The following AKAP11 variants were observed in gnomAD, a reference collection of about 807,000 sequenced individuals.
AKAP11 encodes A-kinase anchor protein 11.
Under a neutral mutation model 146.1 loss-of-function variants are expected in AKAP11, and 36 were observed. That is an observed-to-expected ratio of 0.25 (90% CI 0.19 to 0.33). AKAP11 has a LOEUF of 0.33. AKAP11 is among the 10% of genes least tolerant of loss of function. The pLI is 1.00. For missense variants in AKAP11, 2,201 were observed against 2,197.0 expected (o/e 1.00, Z -0.04); for synonymous variants, 780 against 786.5 (o/e 0.99, Z 0.14).
rs1166741611 is a variant in AKAP11, at chr13:42,303,220, A to C, written c.4474A>C (p.Lys1492Gln). 1 of 1,614,140 alleles carries C rather than the reference A, an allele frequency of 6.2e-7. No individual in the cohort carries two copies. The highest frequency in any genetic ancestry group is 1.1e-5 in the South Asian group (1 of 91,080). Residue 1492 changes from lysine (K) to glutamine (Q), a missense_variant, in exon 8 of 13, where the codon AAA becomes CAA. Lys to Gln is a moderately conservative substitution (Grantham distance 53, BLOSUM62 1). This residue lies in a region of AKAP11 where 1,867 missense variants were observed against 1,833.5 expected (regional missense o/e 1.02). Coordinates refer to ENST00000025301, the MANE Select transcript of AKAP11 (RefSeq NM_016248.4). The part of the protein sequence containing the change: ...KSLTDSCLFE[K>Q]SGYEEDNECH... ...CTTAACAGATTCTTGCTTGTTTGAA[A>C]AATCTGGATATGAAGAAGATAATGA...
At chr13:42,310,255 A>T (rs1960486509) in intron 9 of AKAP11, among the ~76,000 whole-genome samples, 1 of 152,216 alleles carries the variant, frequency 6.6e-6, no homozygotes, top group South Asian at 2.1e-4. Flanking sequence ...ATGTGACTTA[A>T]TGTAATGCTG....
intron 1 of AKAP11, among the ~76,000 whole-genome samples, chr13:42,278,529 A>G (rs771180345): frequency 1.8e-4 from 27 of 152,158 alleles, no homozygotes; most frequent in South Asian, 1.0e-3. Flanking sequence ...ACATCACTTC[A>G]TGTTTAATGT....
Position 42,303,340 on chromosome 13 carries a change from T to G in AKAP11, c.4594T>G (p.Cys1532Gly), listed in dbSNP as rs1960062099. Residue 1532 changes from cysteine to glycine, a missense_variant, in exon 8 of 13, where the codon TGT becomes GGT. This residue lies in a region of AKAP11 where 1,867 missense variants were observed against 1,833.5 expected (regional missense o/e 1.02). Transcript: ENST00000025301. ...CACTGGCAGTTTAAATGGATATGGT[T>G]GTGGAGACAATGTTGTTCAAGCTGT... ...HSTGSLNGYG[C>G]GDNVVQAVEQ... 1 of 1,612,580 alleles carries G rather than the reference T, an allele frequency of 6.2e-7. No individual in the cohort carries two copies. Among genetic ancestry groups the G allele is most frequent in the Admixed American group, 1.7e-5 (1 of 60,010 alleles).
At position 42,303,861 on chromosome 13, in the gene AKAP11, C is replaced by T; in HGVS notation, c.5115C>T (p.Ser1705=). The change falls in exon 8 of 13, where the codon AGC becomes AGT. Residue 1705 remains serine (S), a splice_region_variant and synonymous_variant. Coordinates refer to ENST00000025301, the MANE Select transcript of AKAP11 (RefSeq NM_016248.4). ...AAVTNVGHAV[S]SSKEIEDFQS... ...TCACAAATGTTGGGCATGCTGTTAG[C>T]AGGTAAGTTTCACGTTTCTTTTGGT... The T allele has an allele frequency of 1.3e-6, 2 of 1,564,616 alleles. No individual in the cohort carries two copies. Among genetic ancestry groups the T allele is most frequent in the Non-Finnish European group, 1.7e-6 (2 of 1,158,278 alleles).
rs764635646 is a variant in AKAP11, at chr13:42,292,374, T to A, written c.52-11T>A. 6.7e-7 allele frequency: 1 copy of A among 1,490,506 alleles called. No individual in the cohort carries two copies. The highest frequency in any genetic ancestry group is 1.4e-5 in the African/African-American group (1 of 72,980). The allele number at this position is 1,490,506 out of a possible 1,614,324, so 92.3% of individuals were successfully genotyped here. A position where few individuals can be genotyped will look rare whatever the true frequency, so the allele number is the denominator to read the frequency against. ...TAAATTTGAAATATCTTTGCTTTCT[T>A]TCCCCTGCAGAGCTTCAGTGAAGAT... On this transcript the variant is annotated splice_polypyrimidine_tract_variant and intron_variant, in intron 3 of 12. Coordinates refer to ENST00000025301, the MANE Select transcript of AKAP11 (RefSeq NM_016248.4).
chr13:42,296,944 C>A, intron 5 of AKAP11, 104 bp from the exon 6 acceptor site: 1 of 901,706 alleles, frequency 1.1e-6, no homozygotes, highest in Non-Finnish European at 1.6e-6. Flanking sequence ...CCAGGAAATT[C>A]ACTAGCCAGT....
At chr13:42,273,903 A>G (rs933569740) in intron 1 of AKAP11, among the ~76,000 whole-genome samples, 2 of 152,260 alleles carry the variant, frequency 1.3e-5, no homozygotes, top group African/African-American at 4.8e-5. Flanking sequence ...GTAAATAGGT[A>G]GAGGAATTCT....
intron 9 of AKAP11, among the ~76,000 whole-genome samples, chr13:42,309,780 CA>C (rs2138667489): frequency 6.6e-6 from 1 of 152,214 alleles, no homozygotes; most frequent in African/African-American, 2.4e-5. Flanking sequence ...TTTCTTCTCT[CA>C]TTTTGAGAAA....
chr13:42,278,590 T>A lies in AKAP11; in HGVS notation c.-100+6362T>A, dbSNP rs139564304. 3.9e-4 allele frequency among the ~76,000 whole-genome samples: 60 copies of A among 152,340 alleles called. No homozygotes were observed. In the East Asian group the frequency reaches 0.01, roughly 26 times the overall value. ...TCTCCATCTCCCCTGCCACATTTTT[T>A]ATCCTATTTTGTCATACATTTTATC... On this transcript the variant is annotated intron_variant, in intron 1 of 12. Coordinates refer to ENST00000025301, the MANE Select transcript of AKAP11 (RefSeq NM_016248.4).
intron 11 of AKAP11, among the ~76,000 whole-genome samples, chr13:42,316,258 G>C (rs1279540815): frequency 6.6e-6 from 1 of 152,172 alleles, no homozygotes; most frequent in Non-Finnish European, 1.5e-5. Flanking sequence ...AGCTGTAGCA[G>C]AGAATCAGAG....
At position 42,320,251 on chromosome 13, in the gene AKAP11, C is replaced by T. The variant is rs1408904095; in HGVS notation, c.*1023C>T. On this transcript the variant is annotated 3_prime_UTR_variant, in exon 13 of 13. Coordinates refer to ENST00000025301, the MANE Select transcript of AKAP11 (RefSeq NM_016248.4). ...TGTTGGATTTTTGAAAAAACCTCTA[C>T]CAAGAATGTGGTGTTTTTTTTGTTT... 2 of 151,058 alleles carry T rather than the reference C, an allele frequency of 1.3e-5. No homozygotes were observed. The highest frequency in any genetic ancestry group is 2.4e-5 in the African/African-American group (1 of 41,320). 9.4% of individuals were successfully genotyped at this position (151,058 alleles called of 1,614,324 possible).
At position 42,297,065 on chromosome 13, in the gene AKAP11, T is replaced by C. The variant is rs201798756; in HGVS notation, c.234T>C (p.Ser78=). ...AAHIQDLAAV[S]LELPDILNSL... Reference sequence around the variant, plus strand: ...TAAATCAGGATTTAGCTGCAGTTTCTTTGGAACTTCCAGATATTCTGAATT... The same window carrying C: ...TAAATCAGGATTTAGCTGCAGTTTCCTTGGAACTTCCAGATATTCTGAATT... Residue 78 remains serine, a synonymous_variant, in exon 6 of 13, where the codon TCT becomes TCC. Coordinates refer to ENST00000025301, the MANE Select transcript of AKAP11 (RefSeq NM_016248.4). 5.0e-6 allele frequency: 8 copies of C among 1,591,062 alleles called. No homozygotes were observed. The African/African-American group carries it at 9.5e-5, about 19-fold the overall frequency.
rs888374990 is a variant in AKAP11, at chr13:42,320,687, G to A, written c.*1459G>A. The A allele has an allele frequency of 6.6e-6, 1 of 152,032 alleles. No homozygotes were observed. Among genetic ancestry groups the A allele is most frequent in the Non-Finnish European group, 1.5e-5 (1 of 68,000 alleles). 9.4% of individuals were successfully genotyped at this position (152,032 alleles called of 1,614,324 possible). On this transcript the variant is annotated 3_prime_UTR_variant, in exon 13 of 13. Transcript: ENST00000025301. ...CACTTTTTTTGGGGACTTTGATTTTGCTCCATTACGTTTTCATTTTTTCTG... is the reference window on the plus strand; with the variant it reads ...CACTTTTTTTGGGGACTTTGATTTTACTCCATTACGTTTTCATTTTTTCTG...
chr13:42,293,196 A>C (rs1223065374), intron 4 of AKAP11, among the ~76,000 whole-genome samples: 1 of 152,198 alleles, frequency 6.6e-6, no homozygotes, highest in Non-Finnish European at 1.5e-5. Flanking sequence ...TTCTAATAAA[A>C]TCGTGGTTAT....
chr13:42,278,538 G>A (rs1958982055), intron 1 of AKAP11, among the ~76,000 whole-genome samples: 1 of 152,148 alleles, frequency 6.6e-6, no homozygotes, highest in Non-Finnish European at 1.5e-5. Context: ...CATGTTTAAT[G>A]TAGAAATCTA....
Position 42,302,232 on chromosome 13 carries a change from C to A in AKAP11, c.3486C>A (p.Phe1162Leu). The part of the protein sequence containing the change: ...NEQNTIEKEE[F>L]MLKLMRSLSE... Reference sequence around the variant, plus strand: ...AAAATACTATAGAAAAAGAAGAGTTCATGTTGAAACTCATGCGATCTCTTT... The same window carrying A: ...AAAATACTATAGAAAAAGAAGAGTTAATGTTGAAACTCATGCGATCTCTTT... Residue 1162 changes from phenylalanine to leucine, a missense_variant, in exon 8 of 13, where the codon TTC becomes TTA. This residue lies in a region of AKAP11 where 1,867 missense variants were observed against 1,833.5 expected (regional missense o/e 1.02). Coordinates refer to ENST00000025301, the MANE Select transcript of AKAP11 (RefSeq NM_016248.4). 6.2e-7 allele frequency: 1 copy of A among 1,614,124 alleles called. No homozygotes were observed. The highest frequency in any genetic ancestry group is 8.5e-7 in the Non-Finnish European group (1 of 1,180,010).
At chr13:42,310,733 C>T (rs1960516012) in intron 9 of AKAP11, among the ~76,000 whole-genome samples, 1 of 152,006 alleles carries the variant, frequency 6.6e-6, no homozygotes, top group African/African-American at 2.4e-5. Flanking sequence ...GTGGCAGGCA[C>T]CTGTAATCCC....
chr13:42,286,170 G>A, intron 2 of AKAP11, 130 bp from the exon 3 acceptor site: 2 of 407,946 alleles, frequency 4.9e-6, no homozygotes, highest in Non-Finnish European at 4.4e-6. Flanking sequence ...TGGGGGGGGT[G>A]CTCAGATTAT....
At chr13:42,275,942 A>G (rs563884040) in intron 1 of AKAP11, among the ~76,000 whole-genome samples, 3 of 152,306 alleles carry the variant, frequency 2.0e-5, no homozygotes, top group South Asian at 2.1e-4. Flanking sequence ...CAAGAAGTCT[A>G]GAAGTCCAGT....
Sources: gnomAD v4.1 joint callset for allele counts (sites outside exome capture counted in the v4.1 genomes callset) on GRCh38, gnomAD v4.1.1 for gene constraint, gnomAD v4.1.1 regional missense constraint, MANE v1.5 for transcripts, NCBI Gene and HGNC (gene_info 2026-07-23, HGNC 2026-07-21) for gene names.